Variants in ETF1 observed in about 807,000 individuals in gnomAD.
The protein encoded by ETF1 is eukaryotic translation termination factor 1.
A neutral mutation model predicts 55.1 loss-of-function variants in ETF1; 4 were observed. That is an observed-to-expected ratio of 0.07 (90% CI 0.04 to 0.17). The LOEUF is 0.17. Among genes scored for constraint, ETF1 ranks in the 10% least tolerant of loss-of-function variants. The probability of loss-of-function intolerance (pLI) is 1.00; values close to 1 mark genes in which losing one functional copy is unlikely to be tolerated. For missense variants in ETF1, 142 were observed against 523.6 expected, an observed-to-expected ratio of 0.27 and a Z score of 7.11; for synonymous variants, 157 against 182.3, an observed-to-expected ratio of 0.86 and a Z score of 1.12.
chr5:138,533,141 T>C (rs932002692), intron 2 of ETF1, among the ~76,000 whole-genome samples: 6 of 151,960 alleles, frequency 3.9e-5, no homozygotes, highest in African/African-American at 1.2e-4. Context: ...GGTTTCACCA[T>C]GTTGGCCAGA....
intron 2 of ETF1, among the ~76,000 whole-genome samples, chr5:138,534,330 T>G (rs984439203): frequency 6.6e-6 from 1 of 152,184 alleles, no homozygotes; most frequent in African/African-American, 2.4e-5. Context: ...TTAAAAGATC[T>G]TCACAAACCC....
intron 2 of ETF1, among the ~76,000 whole-genome samples, chr5:138,520,117 C>A (rs1367522460): frequency 2.1e-5 from 3 of 143,314 alleles, no homozygotes; most frequent in African/African-American, 7.9e-5. Context: ...AAAATTAAGA[C>A]CCCAAAATCC....
chr5:138,512,225 AATATATAT>A (rs71867448), intron 6 of ETF1, among the ~76,000 whole-genome samples: 2 of 44,126 alleles, frequency 4.5e-5, no homozygotes, highest in African/African-American at 1.3e-4. Flanking sequence ...AAAAAAAAAA[AATATATAT>A]ATATATATAT....
chr5:138,532,573 T>C (rs1765746224), intron 2 of ETF1, among the ~76,000 whole-genome samples: 1 of 152,052 alleles, frequency 6.6e-6, no homozygotes, highest in Non-Finnish European at 1.5e-5. Flanking sequence ...CAACTAGAAA[T>C]GGGGAGGGGA....
At position 138,511,497 on chromosome 5, in the gene ETF1, G is replaced by A; in HGVS notation, c.840C>T (p.Phe280=). The A allele has an allele frequency of 1.2e-6, 2 of 1,613,386 alleles. No homozygotes were observed. The highest frequency in any genetic ancestry group is 1.7e-6 in the Non-Finnish European group (2 of 1,179,820). ...TACCTATTAATTTCTTCTCTTGAAT[G>A]AATTTCACGTTGGAGAGGACTTCAG... ...LSTEVLSNVK[F]IQEKKLIGRY... is the part of the protein sequence containing the mutation. The change falls in exon 7 of 11, where the codon TTC becomes TTT. Residue 280 remains phenylalanine, a synonymous_variant. Transcript: ENST00000360541.
intron 2 of ETF1, among the ~76,000 whole-genome samples, chr5:138,536,114 A>G (rs997265252): frequency 1.3e-5 from 2 of 152,184 alleles, no homozygotes; most frequent in African/African-American, 4.8e-5. Context: ...TAATAGTAAA[A>G]GTGCATTTCT....
intron 6 of ETF1, chr5:138,511,966 G>A (rs893611943): frequency 1.2e-6 from 1 of 829,650 alleles, no homozygotes; most frequent in African/African-American, 1.9e-5. Context: ...GGGAAGCTAG[G>A]AGAGGCAGAC....
In ETF1 at chr5:138,507,593, T is replaced by C. The variant is rs1764603752; in HGVS notation, c.*712A>G. The C allele has an allele frequency of 6.6e-6, 1 of 152,642 alleles. No homozygotes were observed. The highest frequency in any genetic ancestry group is 6.5e-5 in the Admixed American group (1 of 15,284). 9.5% of individuals were successfully genotyped at this position (152,642 alleles called of 1,614,324 possible). A position where few individuals can be genotyped will look rare whatever the true frequency, so the allele number is the denominator to read the frequency against. ...AGGGCTCCCAAACGCCGGGCACAAA[T>C]GTGTCTGCAAACAGATGGAAGTAAA... is the stretch of plus-strand genomic sequence containing the variant. On this transcript the variant is annotated 3_prime_UTR_variant, in exon 11 of 11. Coordinates refer to ENST00000360541, the MANE Select transcript of ETF1 (RefSeq NM_004730.4).
At chr5:138,527,178 A>G (rs1008136549) in intron 2 of ETF1, among the ~76,000 whole-genome samples, 1 of 152,190 alleles carries the variant, frequency 6.6e-6, no homozygotes, top group African/African-American at 2.4e-5. Flanking sequence ...CTGGCTGTCC[A>G]GTCCTCCCAC....
At chr5:138,527,611 C>A (rs1765528295) in intron 2 of ETF1, among the ~76,000 whole-genome samples, 1 of 152,302 alleles carries the variant, frequency 6.6e-6, no homozygotes, top group Non-Finnish European at 1.5e-5. Context: ...ACAATCTAGA[C>A]TGTAGGTGCC....
At chr5:138,515,852 G>C (rs752951272) in intron 4 of ETF1, among the ~76,000 whole-genome samples, 4 of 152,202 alleles carry the variant, frequency 2.6e-5, no homozygotes, top group Non-Finnish European at 4.4e-5. Context: ...TGGTAGTGAA[G>C]AGAAAAACAG....
At chr5:138,541,752 A>C in intron 2 of ETF1, 1 of 262,370 alleles carries the variant, frequency 3.8e-6, no homozygotes, top group Non-Finnish European at 5.6e-6. Flanking sequence ...ATAATGTTCC[A>C]AACACTTTTT....
At chr5:138,541,065 T>A in intron 2 of ETF1, among the ~76,000 whole-genome samples, 1 of 152,180 alleles carries the variant, frequency 6.6e-6, no homozygotes, top group East Asian at 1.9e-4. Flanking sequence ...CTGAAAGCAG[T>A]AAGAACAAAT....
Position 138,511,389 on chromosome 5 carries a change from T to TACACACAC in ETF1, c.862+78_862+85dup, listed in dbSNP as rs747982310. On this transcript the variant is annotated intron_variant, in intron 7 of 10. Coordinates refer to ENST00000360541, the MANE Select transcript of ETF1 (RefSeq NM_004730.4). ...TGTCTCATACATACAATCACGTACA[T>TACACACAC]ACACACACACACATACACACACACA... The TACACACAC allele has an allele frequency of 2.4e-5, 34 of 1,412,190 alleles. No homozygotes were observed. In the African/African-American group the frequency reaches 5.7e-4, roughly 24 times the overall value. 87.5% of individuals were successfully genotyped at this position (1,412,190 alleles called of 1,614,324 possible).
At chr5:138,512,029 TCTC>T in intron 6 of ETF1, 1 of 265,070 alleles carries the variant, frequency 3.8e-6, no homozygotes, top group Non-Finnish European at 5.8e-6. Context: ...TGAAACCCTG[TCTC>T]TACCAAAAAG....
At chr5:138,535,862 G>A (rs1033691580) in intron 2 of ETF1, among the ~76,000 whole-genome samples, 2 of 101,512 alleles carry the variant, frequency 2.0e-5, no homozygotes. Context: ...GCGGGAAAGC[G>A]AGACTCCGCC....
At chr5:138,542,681 C>A (rs1406093524) in intron 2 of ETF1, 152 bp downstream of exon 2, 2 of 1,451,098 alleles carry the variant, frequency 1.4e-6, no homozygotes, top group Non-Finnish European at 1.8e-6. Flanking sequence ...CGCCGACCCT[C>A]GCCCCTGGGT....
At chr5:138,511,005 C>G in intron 8 of ETF1, 40 bp downstream of exon 8, 1 of 1,599,466 alleles carries the variant, frequency 6.3e-7, no homozygotes, top group Admixed American at 1.7e-5. Context: ...GGCTTCCTGG[C>G]TCAGTAACAA....
intron 2 of ETF1, among the ~76,000 whole-genome samples, chr5:138,534,592 T>C (rs1383242226): frequency 1.3e-5 from 2 of 152,252 alleles, no homozygotes; most frequent in Non-Finnish European, 2.9e-5. Context: ...ATAGCATGTC[T>C]GTTTTCTTTT....
Sources: allele counts gnomAD v4.1 joint callset (sites outside exome capture counted in the v4.1 genomes callset), GRCh38; gene constraint gnomAD v4.1.1; transcripts MANE v1.5; gene names NCBI Gene and HGNC (gene_info 2026-07-23, HGNC 2026-07-21).